GPHN: variants seen among roughly 807,000 people sequenced by gnomAD.
The protein encoded by GPHN is gephyrin.
In GPHN, 17 loss-of-function variants were observed where a neutral mutation model predicts 95.5. The observed-to-expected ratio is 0.18, with a 90% CI of 0.12 to 0.27. The LOEUF is 0.27. Ranked by LOEUF, GPHN falls within the 10% of genes least tolerant of loss-of-function variation. The pLI, the probability that GPHN is intolerant of heterozygous loss-of-function variation, is 1.00. For synonymous variants in GPHN, 320 were observed against 322.5 expected, an observed-to-expected ratio of 0.99 and a Z score of 0.08; for missense variants, 660 against 978.1, an observed-to-expected ratio of 0.67 and a Z score of 4.34.
chr14:67,553,377 A>T, the GPHN span, among the ~76,000 whole-genome samples: 2 of 146,002 alleles, frequency 1.4e-5, no homozygotes, highest in East Asian at 1.9e-4. Flanking sequence ...CTGTGTGGGT[A>T]AAAAAAAAAC....
intron 8 of GPHN, among the ~76,000 whole-genome samples, chr14:66,956,381 G>A (rs893148134): frequency 1.3e-5 from 2 of 151,988 alleles, no homozygotes; most frequent in Non-Finnish European, 2.9e-5. Flanking sequence ...ATGATTTATA[G>A]TCCTTTGGGT....
At chr14:67,292,617 T>A in the GPHN span, 1 of 1,613,760 alleles carries the variant, frequency 6.2e-7, no homozygotes, top group African/African-American at 1.3e-5. Context: ...AAAATAAGGA[T>A]TTCCAGAATG....
chr14:66,508,314 C>T lies in GPHN; in HGVS notation c.-214C>T, dbSNP rs2057869929. 4 of 604,324 alleles carry T rather than the reference C, an allele frequency of 6.6e-6. No homozygotes were observed. Among genetic ancestry groups the T allele is most frequent in the Non-Finnish European group, 1.2e-5 (4 of 338,520 alleles). The allele number at this position is 604,324 out of a possible 1,614,324, so 37.4% of individuals were successfully genotyped here. ...GGACTTGGGGCCGCGCGCCCTGACTCCTTCCCCTCCCGCGGACCCGCGCAC... is the reference window on the plus strand; with the variant it reads ...GGACTTGGGGCCGCGCGCCCTGACTTCTTCCCCTCCCGCGGACCCGCGCAC... On this transcript the variant is annotated 5_prime_UTR_variant, in exon 1 of 23. Coordinates refer to ENST00000478722, the MANE Select transcript of GPHN (RefSeq NM_020806.5).
At chr14:66,705,796 G>C (rs921619466) in intron 2 of GPHN, among the ~76,000 whole-genome samples, 2 of 152,106 alleles carry the variant, frequency 1.3e-5, no homozygotes, top group African/African-American at 4.8e-5. Context: ...ATTCAAGATA[G>C]TATTGTAAGT....
At position 66,924,243 on chromosome 14, in the gene GPHN, A is replaced by G. The variant is rs528992608; in HGVS notation, c.779A>G (p.Gln260Arg). The G allele has an allele frequency of 2.5e-6, 4 of 1,612,218 alleles. No homozygotes were observed. The East Asian group carries it at 6.7e-5, about 27-fold the overall frequency. ...SPAVVMAHGE[Q>R]PIPGLINYSH... The stretch of plus-strand genomic sequence containing the variant: ...GCTGTTGTCATGGCACACGGTGAAC[A>G]GCCCATCCCTGGTCTCATCAATTAT... The change falls in exon 8 of 23, where the codon CAG becomes CGG. Residue 260 changes from glutamine (Q) to arginine (R), a missense_variant. This residue lies in a region of GPHN where 190 missense variants were observed against 224.7 expected (regional missense o/e 0.85). Transcript: ENST00000478722.
chr14:67,541,993 G>C, the GPHN span: 2 of 1,603,686 alleles, frequency 1.2e-6, no homozygotes, highest in Non-Finnish European at 1.7e-6. Context: ...TGGCTGACAA[G>C]GTGAGTCCCT....
the GPHN span, among the ~76,000 whole-genome samples, chr14:67,361,850 T>C: frequency 6.6e-6 from 1 of 152,222 alleles, no homozygotes; most frequent in Non-Finnish European, 1.5e-5. Context: ...CTAGTACTTA[T>C]TAAGCATTTG....
At chr14:67,302,115 G>A in the GPHN span, 15 of 1,599,552 alleles carry the variant, frequency 9.4e-6, no homozygotes, top group South Asian at 1.1e-5. Context: ...GTGATATTCC[G>A]TTGGTAAGTG....
chr14:66,913,156 A>C (rs922149426), intron 5 of GPHN, among the ~76,000 whole-genome samples: 2 of 152,158 alleles, frequency 1.3e-5, no homozygotes, highest in Admixed American at 6.5e-5. Flanking sequence ...GAAAAATACT[A>C]ATCTGTCAGA....
chr14:67,355,329 GC>G, the GPHN span, among the ~76,000 whole-genome samples: 1 of 150,994 alleles, frequency 6.6e-6, no homozygotes, highest in Non-Finnish European at 1.5e-5. Flanking sequence ...CCCATCAGAA[GC>G]CCCAATACCA....
At chr14:67,464,104 GAGAA>G in the GPHN span, among the ~76,000 whole-genome samples, 1,280 of 152,216 alleles carry the variant, frequency 8.4e-3, 50 homozygotes, top group South Asian at 0.12. Flanking sequence ...GTGAGACAGA[GAGAA>G]AGAGAGCAGC....
At chr14:67,009,507 CTAGGGT>C (rs1360419211) in intron 9 of GPHN, among the ~76,000 whole-genome samples, 2 of 151,876 alleles carry the variant, frequency 1.3e-5, no homozygotes, top group South Asian at 4.2e-4. Flanking sequence ...GTTAATGGGT[CTAGGGT>C]TACAGACTTG....
At chr14:66,965,785 G>A (rs575557777) in intron 9 of GPHN, among the ~76,000 whole-genome samples, 7 of 151,940 alleles carry the variant, frequency 4.6e-5, no homozygotes, top group Admixed American at 1.3e-4. Flanking sequence ...CATTCATCTT[G>A]GAATGTTGCT....
At chr14:67,460,223 T>C in the GPHN span, among the ~76,000 whole-genome samples, 1 of 152,142 alleles carries the variant, frequency 6.6e-6, no homozygotes, top group Non-Finnish European at 1.5e-5. Context: ...ATGTCTCTCA[T>C]ACTGTGTGGT....
At chr14:66,583,818 G>A (rs1182366709) in intron 1 of GPHN, among the ~76,000 whole-genome samples, 3 of 152,110 alleles carry the variant, frequency 2.0e-5, no homozygotes, top group Admixed American at 6.5e-5. Flanking sequence ...GTCAGGTAGC[G>A]TGATGCCTCC....
chr14:66,527,880 T>C (rs1325250807), intron 1 of GPHN, among the ~76,000 whole-genome samples: 1 of 152,214 alleles, frequency 6.6e-6, no homozygotes, highest in East Asian at 1.9e-4. Context: ...AGTGTTTTAC[T>C]TCCAATTATA....
intron 18 of GPHN, among the ~76,000 whole-genome samples, chr14:67,146,987 G>A (rs7147207): frequency 2.6e-5 from 4 of 152,142 alleles, no homozygotes; most frequent in Admixed American, 1.3e-4. Context: ...GAGCCAAGAT[G>A]GCGCCACTGC....
At chr14:67,208,076 T>G in the GPHN span, 1 of 1,383,168 alleles carries the variant, frequency 7.2e-7, no homozygotes, top group Admixed American at 2.5e-5. Flanking sequence ...ACTCCCTCCT[T>G]ACTACTCCTC....
At chr14:67,541,881 A>G in the GPHN span, 4 of 1,602,192 alleles carry the variant, frequency 2.5e-6, no homozygotes, top group Non-Finnish European at 3.4e-6. Flanking sequence ...GCAGAACTCA[A>G]GGTGGAGGCG....
Sources: gnomAD v4.1 joint callset for allele counts (sites outside exome capture counted in the v4.1 genomes callset) on GRCh38, gnomAD v4.1.1 for gene constraint, gnomAD v4.1.1 regional missense constraint, MANE v1.5 for transcripts, NCBI Gene and HGNC (gene_info 2026-07-23, HGNC 2026-07-21) for gene names.